Variants in PHACTR1 observed in about 807,000 individuals in gnomAD.
PHACTR1 encodes RPEL repeat containing 1.
A neutral mutation model predicts 69.2 loss-of-function variants in PHACTR1; 16 were observed. The observed-to-expected ratio is 0.23, with a 90% CI of 0.16 to 0.35. The LOEUF is 0.35. Ranked by LOEUF, PHACTR1 falls within the 10% of genes least tolerant of loss-of-function variation. The pLI, the probability that PHACTR1 is intolerant of heterozygous loss-of-function variation, is 1.00. For synonymous variants in PHACTR1, 312 were observed against 284.5 expected (o/e 1.10, Z -0.97); for missense variants, 510 against 734.7 (o/e 0.69, Z 3.54).
intron 4 of PHACTR1, among the ~76,000 whole-genome samples, chr6:12,908,710 C>A (rs1256071773): frequency 6.6e-6 from 1 of 152,072 alleles, no homozygotes; most frequent in South Asian, 2.1e-4. Context: ...AGCACAGGCA[C>A]ATGCAAAGGT....
intron 5 of PHACTR1, among the ~76,000 whole-genome samples, chr6:13,143,167 T>A (rs1282264132): frequency 6.6e-6 from 1 of 152,182 alleles, no homozygotes; most frequent in African/African-American, 2.4e-5. Flanking sequence ...GAAGTGGAGA[T>A]GGTTAATGGG....
rs565227230 is a variant in PHACTR1 at position 12,733,690 on chromosome 6, C to T, written c.103+14843C>T. Among the ~76,000 whole-genome samples the T allele has an allele frequency of 3.3e-5, 5 of 152,288 alleles. No individual in the cohort carries two copies. The South Asian group carries it at 1.0e-3, about 32-fold the overall frequency. ...GGATTAAAGCCCCTGCAGCCTTTGC[C>T]TCTGAAGTTATTTTGCAAGTAACCA... On this transcript the variant is annotated intron_variant, in intron 3 of 14. Coordinates refer to ENST00000332995, the MANE Select transcript of PHACTR1 (RefSeq NM_030948.6).
At position 12,921,017 on chromosome 6, in the gene PHACTR1, A is replaced by G. The variant is rs79923968; in HGVS notation, c.251-132348A>G. On this transcript the variant is annotated intron_variant, in intron 4 of 14. Coordinates refer to ENST00000332995, the MANE Select transcript of PHACTR1 (RefSeq NM_030948.6). The stretch of plus-strand genomic sequence containing the variant: ...TTGATACATGAAGTTTAGACAAATT[A>G]AGGCACTTGTCCCCAGTTCAGAGCT... Among the ~76,000 whole-genome samples the G allele has an allele frequency of 9.1e-3, 1,390 of 152,324 alleles. 29 individuals carry two copies. Among genetic ancestry groups the G allele is most frequent in the African/African-American group, 0.03 (1,267 of 41,576 alleles).
chr6:12,949,639 A>G (rs1018240283), intron 4 of PHACTR1, among the ~76,000 whole-genome samples: 1 of 152,236 alleles, frequency 6.6e-6, no homozygotes, highest in Non-Finnish European at 1.5e-5. Context: ...GTTTATTTAA[A>G]ATAAATTTAA....
At chr6:13,193,823 T>A (rs1763968005) in intron 7 of PHACTR1, among the ~76,000 whole-genome samples, 1 of 152,112 alleles carries the variant, frequency 6.6e-6, no homozygotes, top group African/African-American at 2.4e-5. Flanking sequence ...ATTCCCTATC[T>A]GCTTGGATGA....
intron 4 of PHACTR1, among the ~76,000 whole-genome samples, chr6:12,985,535 A>ATAT (rs1369860377): frequency 3.7e-5 from 5 of 136,124 alleles, no homozygotes; most frequent in African/African-American, 8.8e-5. Flanking sequence ...AATTAAAAAA[A>ATAT]AAAAAAATAT....
chr6:12,937,270 C>T (rs573564199), intron 4 of PHACTR1, among the ~76,000 whole-genome samples: 3 of 152,270 alleles, frequency 2.0e-5, no homozygotes, highest in African/African-American at 7.2e-5. Context: ...ATGGCCACAA[C>T]CACACTGCCA....
chr6:12,785,304 C>T (rs1771403784), intron 4 of PHACTR1, among the ~76,000 whole-genome samples: 1 of 152,100 alleles, frequency 6.6e-6, no homozygotes, highest in African/African-American at 2.4e-5. Context: ...GTGGCTGTAT[C>T]CACCACCGGT....
chr6:13,064,102 A>G (rs577175066), intron 5 of PHACTR1, among the ~76,000 whole-genome samples: 23 of 152,184 alleles, frequency 1.5e-4, no homozygotes, highest in Non-Finnish European at 3.2e-4. Flanking sequence ...CCTCATTCCT[A>G]TCACATCAAA....
At chr6:13,067,740 C>A (rs546533259) in intron 5 of PHACTR1, among the ~76,000 whole-genome samples, 140 of 152,246 alleles carry the variant, frequency 9.2e-4, no homozygotes, top group African/African-American at 3.2e-3. Context: ...TATATAGGAA[C>A]AAAATATGCA....
chr6:13,037,303 C>A (rs1490248123), intron 4 of PHACTR1, among the ~76,000 whole-genome samples: 1 of 152,170 alleles, frequency 6.6e-6, no homozygotes, highest in Non-Finnish European at 1.5e-5. Flanking sequence ...TCACTACCTA[C>A]AGGCACCCCC....
chr6:13,199,849 A>G (rs1222064076), intron 7 of PHACTR1, among the ~76,000 whole-genome samples: 1 of 152,204 alleles, frequency 6.6e-6, no homozygotes, highest in East Asian at 1.9e-4. Context: ...ATGACAAATG[A>G]TTTTTATAAA....
chr6:12,914,392 T>C (rs1310472450), intron 4 of PHACTR1, among the ~76,000 whole-genome samples: 8 of 152,120 alleles, frequency 5.3e-5, no homozygotes, highest in Non-Finnish European at 1.2e-4. Flanking sequence ...CTCTGCCTAG[T>C]CCTTAAACTT....
intron 4 of PHACTR1, among the ~76,000 whole-genome samples, chr6:12,887,789 C>T (rs1783781805): frequency 1.3e-5 from 2 of 152,014 alleles, no homozygotes; most frequent in African/African-American, 2.4e-5. Context: ...GTAGTATTGG[C>T]CAGGCACGGT....
intron 7 of PHACTR1, among the ~76,000 whole-genome samples, chr6:13,203,228 T>A (rs1765463902): frequency 6.6e-6 from 1 of 152,224 alleles, no homozygotes; most frequent in African/African-American, 2.4e-5. Flanking sequence ...ATGATTTGCA[T>A]CTCTTGTGAT....
At chr6:12,849,175 G>C (rs1779578339) in intron 4 of PHACTR1, among the ~76,000 whole-genome samples, 1 of 152,148 alleles carries the variant, frequency 6.6e-6, no homozygotes, top group South Asian at 2.1e-4. Context: ...AATGACAGAA[G>C]CTCCCTAGGA....
chr6:12,839,771 T>C (rs1778510327), intron 4 of PHACTR1, among the ~76,000 whole-genome samples: 1 of 152,138 alleles, frequency 6.6e-6, no homozygotes, highest in Non-Finnish European at 1.5e-5. Flanking sequence ...ATCAATTGTC[T>C]ATGGCATGCT....
intron 4 of PHACTR1, among the ~76,000 whole-genome samples, chr6:13,032,622 A>T (rs78170222): frequency 6.8e-6 from 1 of 146,814 alleles, no homozygotes; most frequent in South Asian, 2.1e-4. Flanking sequence ...GTTATGAAAG[A>T]TTTTTTTTTT....
chr6:13,244,395 G>C (rs976685229), intron 10 of PHACTR1, among the ~76,000 whole-genome samples: 4 of 152,186 alleles, frequency 2.6e-5, no homozygotes, highest in Non-Finnish European at 5.9e-5. Context: ...CAGGAGACAG[G>C]GTTTTGAGAT....
Sources: allele counts gnomAD v4.1 joint callset (sites outside exome capture counted in the v4.1 genomes callset), GRCh38; gene constraint gnomAD v4.1.1; transcripts MANE v1.5; gene names NCBI Gene and HGNC (gene_info 2026-07-23, HGNC 2026-07-21).